Variants in RALYL observed in about 807,000 individuals in gnomAD.
The protein encoded by RALYL is RALY RNA binding protein like, also known as RNA-binding Raly-like protein.
A neutral mutation model predicts 35.1 loss-of-function variants in RALYL; 29 were observed. The observed-to-expected ratio is 0.83, with a 90% CI of 0.61 to 1.13. The LOEUF is 1.13. Ranked by LOEUF, RALYL falls within the 50% of genes most tolerant of loss-of-function variation. The probability of loss-of-function intolerance (pLI) is 0.00; values close to 1 mark genes in which losing one functional copy is unlikely to be tolerated. For synonymous variants in RALYL, 120 were observed against 127.6 expected, an observed-to-expected ratio of 0.94 and a Z score of 0.40; for missense variants, 359 against 360.4, an observed-to-expected ratio of 1.00 and a Z score of 0.03.
At chr8:84,351,799 C>G (rs1850947559) in intron 1 of RALYL, among the ~76,000 whole-genome samples, 1 of 150,266 alleles carries the variant, frequency 6.7e-6, no homozygotes, top group East Asian at 1.9e-4. Flanking sequence ...TACAGAGTAT[C>G]TAGAAATATG....
chr8:84,282,155 G>T (rs1836702752), intron 1 of RALYL, among the ~76,000 whole-genome samples: 1 of 151,702 alleles, frequency 6.6e-6, no homozygotes, highest in Non-Finnish European at 1.5e-5. Context: ...TCTGTCCTGG[G>T]AATTTTCTCT....
chr8:84,185,222 T>C (rs1408513997), intron 1 of RALYL: 1 of 622,990 alleles, frequency 1.6e-6, no homozygotes, highest in Non-Finnish European at 2.9e-6. Flanking sequence ...GTAATGACCC[T>C]ACACCTCTAA....
chr8:84,607,853 TA>T (rs1285887903), intron 2 of RALYL, among the ~76,000 whole-genome samples: 1 of 151,830 alleles, frequency 6.6e-6, no homozygotes, highest in African/African-American at 2.4e-5. Context: ...AATATGTTGA[TA>T]AAAATACAAT....
intron 1 of RALYL, among the ~76,000 whole-genome samples, chr8:84,210,676 C>T (rs886182846): frequency 5.9e-5 from 9 of 152,088 alleles, no homozygotes; most frequent in South Asian, 2.1e-4. Context: ...TGTAAGGTCA[C>T]GAGCCACGGA....
intron 2 of RALYL, among the ~76,000 whole-genome samples, chr8:84,572,273 A>G (rs1157918832): frequency 6.6e-6 from 1 of 151,422 alleles, no homozygotes; most frequent in Non-Finnish European, 1.5e-5. Flanking sequence ...TCTTCTAAAT[A>G]CTGCATTTAG....
intron 2 of RALYL, among the ~76,000 whole-genome samples, chr8:84,759,790 A>G (rs936400122): frequency 1.3e-5 from 2 of 152,178 alleles, no homozygotes; most frequent in Non-Finnish European, 2.9e-5. Context: ...TCTGTTGTCC[A>G]AAATCTACTG....
At chr8:84,607,886 CAA>C (rs1817499235) in intron 2 of RALYL, among the ~76,000 whole-genome samples, 1 of 151,006 alleles carries the variant, frequency 6.6e-6, no homozygotes, top group East Asian at 1.9e-4. Context: ...TCTAAAAAGA[CAA>C]AATGTAATTT....
chr8:84,670,084 T>C (rs1263280513), intron 2 of RALYL, among the ~76,000 whole-genome samples: 1 of 152,104 alleles, frequency 6.6e-6, no homozygotes, highest in Non-Finnish European at 1.5e-5. Flanking sequence ...CTTTTTTTCC[T>C]TCATTTTAAG....
intron 1 of RALYL, among the ~76,000 whole-genome samples, chr8:84,320,839 T>A (rs1214940084): frequency 6.6e-6 from 1 of 152,112 alleles, no homozygotes; most frequent in Non-Finnish European, 1.5e-5. Context: ...AGATAGATTA[T>A]CAGATTTTTT....
intron 2 of RALYL, among the ~76,000 whole-genome samples, chr8:84,620,060 C>A (rs1450986086): frequency 6.6e-6 from 1 of 152,000 alleles, no homozygotes; most frequent in Non-Finnish European, 1.5e-5. Context: ...GTGAATCTGA[C>A]AATTATGTGT....
intron 1 of RALYL, among the ~76,000 whole-genome samples, chr8:84,515,650 T>G (rs371186566): frequency 1.1e-4 from 16 of 152,330 alleles, no homozygotes; most frequent in South Asian, 2.1e-4. Context: ...TTGATTTAGA[T>G]TGTTGGTCTT....
intron 2 of RALYL, among the ~76,000 whole-genome samples, chr8:84,615,439 A>T (rs902408179): frequency 6.6e-6 from 1 of 150,794 alleles, no homozygotes; most frequent in African/African-American, 2.5e-5. Flanking sequence ...TATTCCAGAA[A>T]AGAATGACAC....
intron 2 of RALYL, among the ~76,000 whole-genome samples, chr8:84,551,590 A>T (rs1295545028): frequency 6.6e-6 from 1 of 152,142 alleles, no homozygotes; most frequent in Non-Finnish European, 1.5e-5. Context: ...GTTAAGAGGA[A>T]TAGCTTGATT....
At chr8:84,539,334 C>T (rs548193049) in intron 2 of RALYL, among the ~76,000 whole-genome samples, 1 of 152,180 alleles carries the variant, frequency 6.6e-6, no homozygotes, top group African/African-American at 2.4e-5. Flanking sequence ...TAAAAGAAGG[C>T]AAAAGGGCTA....
chr8:84,467,607 A>T (rs537028487), intron 1 of RALYL, among the ~76,000 whole-genome samples: 44 of 151,620 alleles, frequency 2.9e-4, no homozygotes, highest in Middle Eastern at 3.4e-3. Flanking sequence ...TGCTGAAAAA[A>T]ATGTATATTC....
At chr8:84,523,841 G>T (rs929531086) in intron 1 of RALYL, among the ~76,000 whole-genome samples, 5 of 151,892 alleles carry the variant, frequency 3.3e-5, no homozygotes, top group African/African-American at 1.2e-4. Flanking sequence ...CAAAGGACAT[G>T]AACTCATCAT....
chr8:84,639,839 C>A (rs1351542523), intron 2 of RALYL, among the ~76,000 whole-genome samples: 1 of 151,920 alleles, frequency 6.6e-6, no homozygotes, highest in Non-Finnish European at 1.5e-5. Flanking sequence ...CCTTAAAACC[C>A]TTTTAATCAA....
rs186914660 is a variant in RALYL, at chr8:84,774,970, G to A, written c.332+316G>A. 3.9e-5 allele frequency among the ~76,000 whole-genome samples: 6 copies of A among 152,110 alleles called. No individual in the cohort carries two copies. The East Asian group carries it at 1.2e-3, about 29-fold the overall frequency. On this transcript the variant is annotated intron_variant, in intron 3 of 8. Transcript: ENST00000521268. ...TTTTTTATTTTATTTTATTTTTTGA[G>A]ATGGAGTCTCTCTCTGTTGCCCAGG...
In RALYL at chr8:84,445,806, T is replaced by G. The variant is rs111957871; in HGVS notation, c.-23-83493T>G. Among the ~76,000 whole-genome samples the G allele has an allele frequency of 8.6e-3, 1,303 of 151,604 alleles. 19 individuals carry two copies. Among genetic ancestry groups the G allele is most frequent in the African/African-American group, 0.029 (1,193 of 41,462 alleles). ...TTCTATATTTCTTTTGGAGCCACAC[T>G]AAGTCACCTGTCTATGTTCTTTAAT... On this transcript the variant is annotated intron_variant, in intron 1 of 8. Transcript: ENST00000521268.
Sources: allele counts gnomAD v4.1 joint callset (sites outside exome capture counted in the v4.1 genomes callset), GRCh38; gene constraint gnomAD v4.1.1; transcripts MANE v1.5; gene names NCBI Gene and HGNC (gene_info 2026-07-23, HGNC 2026-07-21).